The following MTFR2 variants were observed in gnomAD, a reference collection of about 807,000 sequenced individuals.
The protein encoded by MTFR2 is DUF729 domain-containing protein 1.
A neutral mutation model predicts 41.2 loss-of-function variants in MTFR2; 44 were observed. The observed-to-expected ratio is 1.07, with a 90% confidence interval of 0.84 to 1.37. MTFR2 has a LOEUF of 1.37. Ranked by LOEUF, MTFR2 falls within the 40% of genes most tolerant of loss-of-function variation. The probability of loss-of-function intolerance (pLI) is 0.00; values close to 1 mark genes in which losing one functional copy is unlikely to be tolerated. For missense variants in MTFR2, 452 were observed against 459.5 expected (o/e 0.98, Z 0.15); for synonymous variants, 141 against 154.6 (o/e 0.91, Z 0.65).
intron 5 of MTFR2, among the ~76,000 whole-genome samples, chr6:136,240,365 A>T (rs984102833): frequency 1.3e-5 from 2 of 151,624 alleles, no homozygotes; most frequent in Non-Finnish European, 2.9e-5. Context: ...ATGTATAAAT[A>T]TAAGTTATTG....
intron 3 of MTFR2, 148 bp downstream of exon 3, chr6:136,244,615 CAT>C (rs1355368553): frequency 1.6e-6 from 1 of 607,710 alleles, no homozygotes. Flanking sequence ...AACACAAAAA[CAT>C]ATATGAAATG....
rs141467777 is a variant in MTFR2 at position 136,239,509 on chromosome 6, C to A, written c.826G>T (p.Val276Phe). 38 of 1,613,938 alleles carry A rather than the reference C, an allele frequency of 2.4e-5. No individual in the cohort carries two copies. Among genetic ancestry groups the A allele is most frequent in the Non-Finnish European group, 3.0e-5 (35 of 1,179,888 alleles). The change falls in exon 6 of 8, where the codon GTT (valine) becomes TTT (phenylalanine). Residue 276 changes from valine (V) to phenylalanine (F), a missense_variant. By Grantham distance (50) the Val-to-Phe change is conservative. Transcript: ENST00000420702. ...TTAACCTTATTCATATCCTTTAGAA[C>A]GTCCAACATGTTTGGAATATCTTTA... ...RNKDIPNMLDVLKDMNKVKLR... is the reference protein window; with the variant it reads ...RNKDIPNMLDFLKDMNKVKLR...
Position 136,231,060 on chromosome 6 carries a change from C to T in MTFR2, c.*215G>A. The T allele has an allele frequency of 2.4e-6, 1 of 421,416 alleles. No homozygotes were observed. The highest frequency in any genetic ancestry group is 4.2e-6 in the Non-Finnish European group (1 of 237,738). 26.1% of individuals were successfully genotyped at this position (421,416 alleles called of 1,614,324 possible). A position where few individuals can be genotyped will look rare whatever the true frequency, so the allele number is the denominator to read the frequency against. On this transcript the variant is annotated 3_prime_UTR_variant, in exon 8 of 8. Coordinates refer to ENST00000420702, the MANE Select transcript of MTFR2 (RefSeq NM_001099286.3). ...TCAAAAAGAATGTTTATTTTAAGCTCTATGTACAGAAGAACAGAGTATAAA... is the reference window on the plus strand; with the variant it reads ...TCAAAAAGAATGTTTATTTTAAGCTTTATGTACAGAAGAACAGAGTATAAA...
At position 136,241,671 on chromosome 6, in the gene MTFR2, C is replaced by T. The variant is rs756960194; in HGVS notation, c.287G>A (p.Ser96Asn). The T allele has an allele frequency of 6.2e-7, 1 of 1,605,866 alleles. No individual in the cohort carries two copies. The highest frequency in any genetic ancestry group is 2.2e-5 in the East Asian group (1 of 44,822). Residue 96 changes from serine (S) to asparagine (N), a missense_variant, in exon 5 of 8, where the codon AGT (serine) becomes AAT (asparagine). By Grantham distance (46) the Ser-to-Asn change is conservative. Coordinates refer to ENST00000420702, the MANE Select transcript of MTFR2 (RefSeq NM_001099286.3). Reference sequence around the variant, plus strand: ...TTTCTCTTCTTCATTTTTCCATATACTATTTCTGTGGGTGAAAAAAAATAG... The same window carrying T: ...TTTCTCTTCTTCATTTTTCCATATATTATTTCTGTGGGTGAAAAAAAATAG... ...EEASYLRFRN[S>N]IWKNEEEKVE...
chr6:136,239,395 TA>T, intron 6 of MTFR2, 70 bp downstream of exon 6: 1 of 1,179,438 alleles, frequency 8.5e-7, no homozygotes, highest in Non-Finnish European at 1.2e-6. Flanking sequence ...TTAATTTTCA[TA>T]AACATAATAA....
intron 2 of MTFR2, 87 bp downstream of exon 2, chr6:136,248,950 A>T: frequency 1.6e-6 from 2 of 1,219,302 alleles, no homozygotes; most frequent in Non-Finnish European, 2.3e-6. Flanking sequence ...ACTTTGCCTT[A>T]AATCAAATGA....
At chr6:136,232,138 C>T (rs1489108150) in intron 7 of MTFR2, among the ~76,000 whole-genome samples, 5 of 152,124 alleles carry the variant, frequency 3.3e-5, no homozygotes, top group Non-Finnish European at 7.4e-5. Flanking sequence ...TTTTCTAAGT[C>T]AACATGCTAA....
Position 136,233,390 on chromosome 6 carries a change from C to T in MTFR2, c.979G>A (p.Asp327Asn), listed in dbSNP as rs762986840. ...GATCTATTCTCTTTCTCAAAAGAAT[C>T]ATCTTCTTGAAATGCAAATTTCTGT... ...LKQKFAFQED[D>N]SFEKENRSWE... The change falls in exon 7 of 8, where the codon GAT becomes AAT. Residue 327 changes from aspartate (D) to asparagine (N), a missense_variant. Transcript: ENST00000420702. The T allele has an allele frequency of 2.5e-6, 4 of 1,611,894 alleles. No individual in the cohort carries two copies. The highest frequency in any genetic ancestry group is 1.7e-5 in the Admixed American group (1 of 59,974).
At chr6:136,240,746 A>G (rs1488224985) in intron 5 of MTFR2, among the ~76,000 whole-genome samples, 32 of 152,174 alleles carry the variant, frequency 2.1e-4, no homozygotes, top group Admixed American at 2.1e-3. Context: ...TCCTCTTTCA[A>G]ACCAATGCAT....
rs768557196 is a variant in MTFR2 at position 136,242,939 on chromosome 6, T to G, written c.203A>C (p.Asn68Thr). 3.7e-6 allele frequency: 6 copies of G among 1,612,534 alleles called. No individual in the cohort carries two copies. The African/African-American group carries it at 8.0e-5, about 22-fold the overall frequency. ...AAAAGATGGAACCATAGATCCACAATTATCAGAGTCTACAGAGTTCAAGAG... is the reference window on the plus strand; with the variant it reads ...AAAAGATGGAACCATAGATCCACAAGTATCAGAGTCTACAGAGTTCAAGAG... ...IPLLNSVDSD[N>T]CGSMVPSFAD... Residue 68 changes from asparagine to threonine, a missense_variant, in exon 4 of 8, where the codon AAT (asparagine) becomes ACT (threonine). Asn to Thr is a moderately conservative substitution (Grantham distance 65, BLOSUM62 0). Coordinates refer to ENST00000420702, the MANE Select transcript of MTFR2 (RefSeq NM_001099286.3).
intron 6 of MTFR2, among the ~76,000 whole-genome samples, chr6:136,235,545 G>A (rs751710804): frequency 6.6e-6 from 1 of 152,134 alleles, no homozygotes; most frequent in African/African-American, 2.4e-5. Flanking sequence ...AACATTTAAA[G>A]ACCAGGCCCA....
At chr6:136,247,901 T>C (rs1230929226) in intron 2 of MTFR2, among the ~76,000 whole-genome samples, 2 of 152,222 alleles carry the variant, frequency 1.3e-5, no homozygotes, top group African/African-American at 2.4e-5. Flanking sequence ...TGAATCTTTT[T>C]CTTTCCTACA....
intron 2 of MTFR2, among the ~76,000 whole-genome samples, chr6:136,246,265 G>C (rs148381411): frequency 6.6e-6 from 1 of 150,576 alleles, no homozygotes; most frequent in South Asian, 2.1e-4. Flanking sequence ...CACCATTTTC[G>C]TTGTTGTTGT....
intron 5 of MTFR2, among the ~76,000 whole-genome samples, chr6:136,240,081 A>C (rs1188051008): frequency 1.4e-5 from 2 of 144,072 alleles, no homozygotes; most frequent in East Asian, 1.9e-4. Context: ...AACAAACAAA[A>C]AAAAGAGTTT....
chr6:136,235,880 C>G (rs1308155357), intron 6 of MTFR2, among the ~76,000 whole-genome samples: 1 of 151,894 alleles, frequency 6.6e-6, no homozygotes, highest in African/African-American at 2.4e-5. Context: ...TGCAGTGAGC[C>G]GAGATCACGC....
intron 6 of MTFR2, among the ~76,000 whole-genome samples, chr6:136,236,548 C>T (rs1050366300): frequency 1.3e-5 from 2 of 152,138 alleles, no homozygotes; most frequent in African/African-American, 4.8e-5. Context: ...CACAGAGTTG[C>T]CACTTGATAC....
intron 3 of MTFR2, among the ~76,000 whole-genome samples, chr6:136,243,725 A>G (rs1780145015): frequency 6.6e-6 from 1 of 151,784 alleles, no homozygotes; most frequent in Non-Finnish European, 1.5e-5. Flanking sequence ...AAAAAAAAAA[A>G]AAAAAAGTTA....
intron 2 of MTFR2, chr6:136,247,605 TG>T (rs1423089590): frequency 4.5e-6 from 2 of 444,294 alleles, no homozygotes; most frequent in African/African-American, 2.0e-5. Context: ...CCCTTCAGGC[TG>T]ATGGCCTCTC....
At chr6:136,239,856 A>T in intron 5 of MTFR2, 36 bp from the exon 6 acceptor site, 1 of 1,510,036 alleles carries the variant, frequency 6.6e-7, no homozygotes, top group Non-Finnish European at 8.9e-7. Context: ...AATCATGCAC[A>T]ATTATCTCTA....
Sources: gnomAD v4.1 joint callset for allele counts (sites outside exome capture counted in the v4.1 genomes callset) on GRCh38, gnomAD v4.1.1 for gene constraint, MANE v1.5 for transcripts, NCBI Gene and HGNC (gene_info 2026-07-23, HGNC 2026-07-21) for gene names.